The following CDC37 variants were observed in gnomAD, a reference collection of about 807,000 sequenced individuals.
The protein encoded by CDC37 is hsp90 co-chaperone Cdc37.
In CDC37, 9 loss-of-function variants were observed where a neutral mutation model predicts 46.9. The ratio of observed to expected loss-of-function variants is 0.19; its 90% CI spans 0.12 to 0.33. The LOEUF (loss-of-function observed/expected upper bound fraction) is 0.33, where lower values mean the gene tolerates loss of function less well. Ranked by LOEUF, CDC37 falls within the 10% of genes least tolerant of loss-of-function variation. The probability of loss-of-function intolerance (pLI) is 1.00; values close to 1 mark genes in which losing one functional copy is unlikely to be tolerated. For synonymous variants in CDC37, 193 were observed against 191.0 expected (o/e 1.01, Z -0.09); for missense variants, 388 against 514.6 (o/e 0.75, Z 2.38).
Position 10,396,259 on chromosome 19 carries a change from C to T in CDC37, c.103-56G>A, listed in dbSNP as rs1290231559. On this transcript the variant is annotated intron_variant, in intron 1 of 7. Coordinates refer to ENST00000222005, the MANE Select transcript of CDC37 (RefSeq NM_007065.4). The surrounding 1 kb of genome is among the most constrained non-coding windows in gnomAD (Gnocchi z 5.9). ...GGAGTCGTCTGTCCCTTACCCCCGC[C>T]CCATACCCAATCCCTGCACCGGAGA... The T allele has an allele frequency of 2.0e-5, 31 of 1,553,766 alleles. No homozygotes were observed. In the Admixed American group the frequency reaches 5.7e-4, roughly 28 times the overall value.
At chr19:10,401,143 C>T (rs1019128292) in intron 1 of CDC37, among the ~76,000 whole-genome samples, 1 of 152,200 alleles carries the variant, frequency 6.6e-6, no homozygotes, top group Non-Finnish European at 1.5e-5. Flanking sequence ...CCAAGTTTTC[C>T]TGACCCAGTC....
At chr19:10,403,284 A>G in intron 1 of CDC37, 94 bp downstream of exon 1, 2 of 892,612 alleles carry the variant, frequency 2.2e-6, no homozygotes, top group Non-Finnish European at 3.5e-6. Flanking sequence ...TGAGAATCCT[A>G]GGTGTGAACA....
In CDC37 at chr19:10,396,208, G is replaced by A. The variant is rs745583927; in HGVS notation, c.103-5C>T. 4 of 1,611,980 alleles carry A rather than the reference G, an allele frequency of 2.5e-6. No individual in the cohort carries two copies. In the East Asian group the frequency reaches 6.7e-5, roughly 27 times the overall value. On this transcript the variant is annotated splice_polypyrimidine_tract_variant and splice_region_variant and intron_variant, in intron 1 of 7. Transcript: ENST00000222005. This position sits in a 1 kb window ranked among gnomAD's most constrained non-coding sequence, Gnocchi z 5.9. ...CTCCATGCGTTCCACCCGGGCCTGCGGGCAGGGACGGCCTATCAACTCTGG... is the reference window on the plus strand; with the variant it reads ...CTCCATGCGTTCCACCCGGGCCTGCAGGCAGGGACGGCCTATCAACTCTGG...
chr19:10,394,515 TTTTA>T (rs966785105), intron 5 of CDC37, among the ~76,000 whole-genome samples: 2 of 151,980 alleles, frequency 1.3e-5, no homozygotes, highest in Admixed American at 6.6e-5. Flanking sequence ...TGACCTCCAC[TTTTA>T]TTTAATTAAT....
rs56162717 is a variant in CDC37 at position 10,399,931 on chromosome 19, T to TAAAAAAAAAAAAAAAAAA, written c.102+3429_102+3446dup. ...TGGGCAACAGAGTGAGACTCCGTCT[T>TAAAAAAAAAAAAAAAAAA]AAAAAAAAAAAAAAAAAAAAAAAAA... is the stretch of plus-strand genomic sequence containing the variant. On this transcript the variant is annotated intron_variant, in intron 1 of 7. Transcript: ENST00000222005. Among the ~76,000 whole-genome samples the TAAAAAAAAAAAAAAAAAA allele has an allele frequency of 7.2e-4, 35 of 48,314 alleles. 3 individuals carry two copies. Among genetic ancestry groups the TAAAAAAAAAAAAAAAAAA allele is most frequent in the East Asian group, 1.2e-3 (1 of 858 alleles). The allele number at this position is 48,314 out of a possible 152,430, so 31.7% of individuals were successfully genotyped here.
At position 10,393,211 on chromosome 19, in the gene CDC37, G is replaced by C. The variant is rs1347855912; in HGVS notation, c.909+48C>G. Reference sequence around the variant, plus strand: ...GGCTGGGTCCCTGTGGCCCTGGGGGGTCCCGCTCAGGGTCTTCCTGCTGCC... The same window carrying C: ...GGCTGGGTCCCTGTGGCCCTGGGGGCTCCCGCTCAGGGTCTTCCTGCTGCC... On this transcript the variant is annotated intron_variant, in intron 6 of 7. Coordinates refer to ENST00000222005, the MANE Select transcript of CDC37 (RefSeq NM_007065.4). The surrounding 1 kb of genome is among the most constrained non-coding windows in gnomAD (Gnocchi z 4.9). The C allele has an allele frequency of 1.2e-5, 20 of 1,612,078 alleles. No homozygotes were observed. Among genetic ancestry groups the C allele is most frequent in the Non-Finnish European group, 1.5e-5 (18 of 1,178,626 alleles).
At chr19:10,395,834 G>A (rs892535707) in intron 2 of CDC37, 94 bp downstream of exon 2, 1 of 1,427,400 alleles carries the variant, frequency 7.0e-7, no homozygotes. Context: ...CACCACCGGG[G>A]TCCTCCCCTG....
chr19:10,403,482 TGCCTTGGCGGCCCA>T lies in CDC37; in HGVS notation c.-17_-4del, dbSNP rs2042531302. The T allele has an allele frequency of 6.2e-7, 1 of 1,611,272 alleles. No homozygotes were observed. The highest frequency in any genetic ancestry group is 1.3e-5 in the African/African-American group (1 of 74,882). On this transcript the variant is annotated 5_prime_UTR_variant, in exon 1 of 8. Coordinates refer to ENST00000222005, the MANE Select transcript of CDC37 (RefSeq NM_007065.4). Reference sequence around the variant, plus strand: ...TCCCACACGCTGTAGTCCACCATCTTGCCTTGGCGGCCCAGCCCGCTCCGGCTCGGGTGGCGGCG... The same window carrying T: ...TCCCACACGCTGTAGTCCACCATCTTGCCCGCTCCGGCTCGGGTGGCGGCG...
intron 1 of CDC37, among the ~76,000 whole-genome samples, chr19:10,399,931 TAAAAA>T (rs56162717): frequency 8.3e-5 from 4 of 48,334 alleles, no homozygotes; most frequent in African/African-American, 1.7e-4. Flanking sequence ...GACTCCGTCT[TAAAAA>T]AAAAAAAAAA....
chr19:10,393,273 C>T lies in CDC37; in HGVS notation c.895G>A (p.Glu299Lys), dbSNP rs1802887. The T allele has an allele frequency of 3.7e-6, 6 of 1,612,902 alleles. No homozygotes were observed. Among genetic ancestry groups the T allele is most frequent in the East Asian group, 2.2e-5 (1 of 44,864 alleles). ...PGGLDPVEVY[E>K]SLPEELQKCF... is the part of the protein sequence containing the mutation. ...GGGAGCCCCACCTCAGGGAGGGACT[C>T]GTAGACCTCGACGGGGTCCAGGCCG... The change falls in exon 6 of 8, where the codon GAG becomes AAG. Residue 299 changes from glutamate to lysine, a missense_variant. Transcript: ENST00000222005. This position sits in a 1 kb window ranked among gnomAD's most constrained non-coding sequence, Gnocchi z 4.9.
At chr19:10,395,392 CCT>C (rs1475192609) in intron 3 of CDC37, 41 bp downstream of exon 3, 1 of 1,603,306 alleles carries the variant, frequency 6.2e-7, no homozygotes. Context: ...AGGCAAAGGG[CCT>C]GCCTCGACCT....
At chr19:10,395,841 C>G in intron 2 of CDC37, 87 bp downstream of exon 2, 2 of 1,487,206 alleles carry the variant, frequency 1.3e-6, no homozygotes, top group Non-Finnish European at 1.8e-6. Flanking sequence ...GGGGTCCTCC[C>G]CTGACCAGGC....
rs753257006 is a variant in CDC37 at position 10,396,155 on chromosome 19, C to G, written c.151G>C (p.Asp51His). Residue 51 changes from aspartate to histidine, a missense_variant, in exon 2 of 8, where the codon GAC (aspartate) becomes CAC (histidine). Physicochemically the swap from Asp to His is moderately conservative, Grantham distance 81 (BLOSUM62 -1). Around this residue, in one of 2 missense-constraint regions of CDC37, gnomAD observed 374 missense variants for 467.4 expected, o/e 0.80. Coordinates refer to ENST00000222005, the MANE Select transcript of CDC37 (RefSeq NM_007065.4). The surrounding 1 kb of genome is among the most constrained non-coding windows in gnomAD (Gnocchi z 5.9). ...CGCTTGCACTCGCGGCAGCCCCTGT[C>G]CAGTTCCTCCTTCTCCTTCTGGAAC... ...EQFQKEKEELDRGCRECKRKV... is the reference protein window; with the variant it reads ...EQFQKEKEELHRGCRECKRKV... 29 of 1,613,966 alleles carry G rather than the reference C, an allele frequency of 1.8e-5. No homozygotes were observed. The highest frequency in any genetic ancestry group is 2.4e-5 in the Non-Finnish European group (28 of 1,180,004).
rs921184845 is a variant in CDC37 at position 10,395,561 on chromosome 19, G to C, written c.379-18C>G. 2 of 1,587,974 alleles carry C rather than the reference G, an allele frequency of 1.3e-6. No individual in the cohort carries two copies. Among genetic ancestry groups the C allele is most frequent in the Non-Finnish European group, 1.7e-6 (2 of 1,156,114 alleles). On this transcript the variant is annotated intron_variant, in intron 2 of 7. Transcript: ENST00000222005. Reference sequence around the variant, plus strand: ...ACCATGCTCTGTGGTAGGGTGAGAGGGGGAGTGGGCTGGGGCAAGGCTGCG... The same window carrying C: ...ACCATGCTCTGTGGTAGGGTGAGAGCGGGAGTGGGCTGGGGCAAGGCTGCG...
rs1247226242 is a variant in CDC37, at chr19:10,395,960, C to T, written c.346G>A (p.Val116Met). 1.9e-6 allele frequency: 3 copies of T among 1,612,316 alleles called. No individual in the cohort carries two copies. Among genetic ancestry groups the T allele is most frequent in the Non-Finnish European group, 1.7e-6 (2 of 1,179,094 alleles). ...RKKEKSMPWNVDTLSKDGFSK... is the reference protein window; with the variant it reads ...RKKEKSMPWNMDTLSKDGFSK... ...AAGCCGTCTTTGCTGAGCGTGTCCA[C>T]GTTCCAGGGCATGCTCTTCTCCTTC... Residue 116 changes from valine to methionine, a missense_variant, in exon 2 of 8, where the codon GTG (valine) becomes ATG (methionine). This residue lies in a region of CDC37 where 374 missense variants were observed against 467.4 expected (regional missense o/e 0.80). Transcript: ENST00000222005.
At chr19:10,395,903 T>TGGGGG in intron 2 of CDC37, 25 bp downstream of exon 2, 6 of 1,573,920 alleles carry the variant, frequency 3.8e-6, no homozygotes, top group Non-Finnish European at 5.2e-6. Context: ...GCATGCGCAC[T>TGGGGG]GCCCGCCCCG....
At chr19:10,392,233 C>T (rs370696134) in intron 7 of CDC37, among the ~76,000 whole-genome samples, 8 of 152,196 alleles carry the variant, frequency 5.3e-5, no homozygotes, top group African/African-American at 9.7e-5. Context: ...GTCTCCATCA[C>T]GACTCAACTC....
chr19:10,399,462 T>C (rs1382875744), intron 1 of CDC37, among the ~76,000 whole-genome samples: 2 of 67,438 alleles, frequency 3.0e-5, no homozygotes, highest in Non-Finnish European at 5.3e-5. Flanking sequence ...TGACCCTGTC[T>C]GAAAAAAAAA....
chr19:10,400,276 A>T (rs956203513), intron 1 of CDC37, among the ~76,000 whole-genome samples: 11 of 152,324 alleles, frequency 7.2e-5, no homozygotes, highest in Admixed American at 3.9e-4. Context: ...CAGAATCTCA[A>T]TGTCATACAA....
Sources: gnomAD v4.1 joint callset for allele counts (sites outside exome capture counted in the v4.1 genomes callset) on GRCh38, gnomAD v4.1.1 for gene constraint, gnomAD v4.1.1 regional missense constraint, Gnocchi (gnomAD v3.1) non-coding constraint, MANE v1.5 for transcripts, NCBI Gene and HGNC (gene_info 2026-07-23, HGNC 2026-07-21) for gene names.